Variants in IL1RAP observed in about 807,000 individuals in gnomAD.
The protein encoded by IL1RAP is interleukin 1 receptor accessory protein, also known as interleukin-1 receptor accessory protein.
IL1RAP carries 35 observed loss-of-function variants against 60.7 expected under a neutral mutation model. The ratio of observed to expected loss-of-function variants is 0.58; its 90% CI spans 0.44 to 0.76. The LOEUF (loss-of-function observed/expected upper bound fraction) is 0.76. Ranked by LOEUF, IL1RAP falls within the 30% of genes least tolerant of loss-of-function variation. IL1RAP has a pLI of 0.00. For missense variants in IL1RAP, 572 were observed against 693.9 expected, an observed-to-expected ratio of 0.82 and a Z score of 1.97; for synonymous variants, 268 against 250.9, an observed-to-expected ratio of 1.07 and a Z score of -0.64.
chr3:190,641,655 G>A (rs990456831), intron 9 of IL1RAP, among the ~76,000 whole-genome samples: 5 of 152,018 alleles, frequency 3.3e-5, no homozygotes, highest in Non-Finnish European at 5.9e-5. Context: ...TTGATCTCTC[G>A]GTCATTAAGC....
At chr3:190,570,364 C>T (rs777264693) in intron 3 of IL1RAP, among the ~76,000 whole-genome samples, 4 of 152,178 alleles carry the variant, frequency 2.6e-5, no homozygotes, top group Non-Finnish European at 4.4e-5. Context: ...ACTTCCTCAG[C>T]AACCTAGACC....
rs568097617 is a variant in IL1RAP at position 190,651,357 on chromosome 3, A to G, written c.*2652A>G. 2 of 874,354 alleles carry G rather than the reference A, an allele frequency of 2.3e-6. No individual in the cohort carries two copies. Among genetic ancestry groups the G allele is most frequent in the South Asian group, 5.3e-5 (1 of 18,926 alleles). The allele number at this position is 874,354 out of a possible 1,614,324, so 54.2% of individuals were successfully genotyped here. A position where few individuals can be genotyped will look rare whatever the true frequency, so the allele number is the denominator to read the frequency against. ...AAATCACTTCATTGTATTTGGAAAC[A>G]AAAACATCATTCATTAATTACTTAT... On this transcript the variant is annotated 3_prime_UTR_variant, in exon 12 of 12. Coordinates refer to ENST00000447382, the MANE Select transcript of IL1RAP (RefSeq NM_002182.4).
At chr3:190,633,813 A>T (rs1732983997) in intron 9 of IL1RAP, among the ~76,000 whole-genome samples, 2 of 152,202 alleles carry the variant, frequency 1.3e-5, no homozygotes, top group South Asian at 4.1e-4. Flanking sequence ...TGTGTCACCC[A>T]TCATCAAACA....
intron 3 of IL1RAP, among the ~76,000 whole-genome samples, chr3:190,583,478 C>G (rs1355719374): frequency 1.3e-5 from 2 of 152,198 alleles, no homozygotes; most frequent in Non-Finnish European, 2.9e-5. Flanking sequence ...AATACTCATG[C>G]CACCCCATTA....
In IL1RAP at chr3:190,648,944, C is replaced by A; in HGVS notation, c.*239C>A. 7.9e-7 allele frequency: 1 copy of A among 1,272,688 alleles called. No individual in the cohort carries two copies. The highest frequency in any genetic ancestry group is 9.9e-7 in the Non-Finnish European group (1 of 1,008,176). 78.8% of individuals were successfully genotyped at this position (1,272,688 alleles called of 1,614,324 possible). A position where few individuals can be genotyped will look rare whatever the true frequency, so the allele number is the denominator to read the frequency against. On this transcript the variant is annotated 3_prime_UTR_variant, in exon 12 of 12. Transcript: ENST00000447382. ...CTGATGCCACTATGTTCTTTGCAGG[C>A]AAAGACTTGTTCAATGCGAATTTCC...
chr3:190,517,637 C>G lies in IL1RAP; in HGVS notation c.-89+3418C>G, dbSNP rs183377840. ...TTAGATTTCTCTTCTTTGTAGCAAG[C>G]ACACAGGCTTGCAAACGCAGATGTA... is the stretch of plus-strand genomic sequence containing the variant. On this transcript the variant is annotated intron_variant, in intron 1 of 11. Transcript: ENST00000447382. Among the ~76,000 whole-genome samples the G allele has an allele frequency of 5.5e-3, 840 of 152,316 alleles. 3 individuals carry two copies. The highest frequency in any genetic ancestry group is 0.02 in the Middle Eastern group (6 of 294).
At chr3:190,524,093 T>G (rs1406041517) in intron 1 of IL1RAP, among the ~76,000 whole-genome samples, 7 of 152,234 alleles carry the variant, frequency 4.6e-5, no homozygotes, top group African/African-American at 1.7e-4. Context: ...GTTGTAGTTT[T>G]GATTTGAATT....
chr3:190,568,187 T>G (rs937651869), intron 3 of IL1RAP, among the ~76,000 whole-genome samples: 4 of 152,236 alleles, frequency 2.6e-5, no homozygotes, highest in Admixed American at 2.0e-4. Flanking sequence ...AACAGTTGAC[T>G]GTGTGCCAGG....
At chr3:190,635,174 C>A (rs1733124422) in intron 9 of IL1RAP, among the ~76,000 whole-genome samples, 1 of 152,008 alleles carries the variant, frequency 6.6e-6, no homozygotes, top group Non-Finnish European at 1.5e-5. Context: ...TAGATTATTT[C>A]CTATTATCCT....
intron 3 of IL1RAP, 33 bp from the exon 4 acceptor site, chr3:190,604,095 T>C (rs2108751781): frequency 6.2e-7 from 1 of 1,600,096 alleles, no homozygotes; most frequent in East Asian, 2.2e-5. Flanking sequence ...AAATGACTCA[T>C]CTGCCCCTTT....
chr3:190,643,406 G>A (rs907014325), intron 9 of IL1RAP, among the ~76,000 whole-genome samples: 1 of 152,102 alleles, frequency 6.6e-6, no homozygotes, highest in African/African-American at 2.4e-5. Flanking sequence ...GAAGGAAGGT[G>A]GTTAGTAATT....
intron 5 of IL1RAP, among the ~76,000 whole-genome samples, chr3:190,613,430 A>T (rs1730993370): frequency 6.6e-6 from 1 of 152,166 alleles, no homozygotes; most frequent in Admixed American, 6.5e-5. Flanking sequence ...TAAAGACAGA[A>T]AATTGGGTGC....
chr3:190,550,979 T>C (rs1380563429), intron 1 of IL1RAP, among the ~76,000 whole-genome samples: 2 of 152,232 alleles, frequency 1.3e-5, no homozygotes, highest in Non-Finnish European at 2.9e-5. Context: ...ATACACCTTT[T>C]AGATTGGTTT....
At chr3:190,539,952 A>G (rs1197082294) in intron 1 of IL1RAP, among the ~76,000 whole-genome samples, 1 of 152,022 alleles carries the variant, frequency 6.6e-6, no homozygotes, top group African/African-American at 2.4e-5. Flanking sequence ...TTTAAAAAAT[A>G]TATTTTATGG....
intron 3 of IL1RAP, among the ~76,000 whole-genome samples, chr3:190,590,372 C>T (rs1728841633): frequency 6.6e-6 from 1 of 152,018 alleles, no homozygotes; most frequent in Admixed American, 6.6e-5. Context: ...TCTCCTGCCT[C>T]ACCCTCCCAA....
chr3:190,572,964 C>T (rs1727099106), intron 3 of IL1RAP, among the ~76,000 whole-genome samples: 2 of 93,668 alleles, frequency 2.1e-5, no homozygotes, highest in African/African-American at 8.3e-5. Flanking sequence ...CCCGGGTTCA[C>T]GCCATTCTCC....
chr3:190,562,370 G>GTT (rs1725966131), intron 2 of IL1RAP, among the ~76,000 whole-genome samples: 1 of 151,550 alleles, frequency 6.6e-6, no homozygotes, highest in African/African-American at 2.4e-5. Flanking sequence ...TATTGCAGGG[G>GTT]GTTTTTTTTT....
At chr3:190,567,860 A>G (rs1004942352) in intron 3 of IL1RAP, among the ~76,000 whole-genome samples, 11 of 152,150 alleles carry the variant, frequency 7.2e-5, no homozygotes, top group Non-Finnish European at 1.2e-4. Context: ...TCACTAATAA[A>G]CTCGAAGAAG....
At chr3:190,546,058 G>T (rs147526565) in intron 1 of IL1RAP, among the ~76,000 whole-genome samples, 1 of 152,132 alleles carries the variant, frequency 6.6e-6, no homozygotes, top group Non-Finnish European at 1.5e-5. Context: ...TAGTGACTAT[G>T]CATCGGTATG....
Sources: allele counts gnomAD v4.1 joint callset (sites outside exome capture counted in the v4.1 genomes callset), GRCh38; gene constraint gnomAD v4.1.1; transcripts MANE v1.5; gene names NCBI Gene and HGNC (gene_info 2026-07-23, HGNC 2026-07-21).